RMST: variants seen among roughly 807,000 people sequenced by gnomAD.
The protein encoded by RMST is long intergenic non-protein coding RNA 54.
intron 11 of RMST, among the ~76,000 whole-genome samples, chr12:97,555,562 G>T (rs1311550814): frequency 6.6e-6 from 1 of 152,208 alleles, no homozygotes; most frequent in Non-Finnish European, 1.5e-5. Context: ...AGCCCTCCGT[G>T]AAGTTGGTAT....
intron 9 of RMST, among the ~76,000 whole-genome samples, chr12:97,495,338 C>A (rs57298504): frequency 2.6e-5 from 4 of 151,528 alleles, no homozygotes; most frequent in Non-Finnish European, 5.9e-5. Context: ...AGATAAGTGG[C>A]GATTGTGTCT....
chr12:97,553,932 A>G (rs949702889), intron 11 of RMST, among the ~76,000 whole-genome samples: 3 of 140,268 alleles, frequency 2.1e-5, no homozygotes, highest in Non-Finnish European at 4.7e-5. Context: ...ACTAATGGTG[A>G]TTTTTCTTTT....
chr12:97,504,528 ATAT>A (rs1260053934), intron 10 of RMST, among the ~76,000 whole-genome samples: 1 of 152,088 alleles, frequency 6.6e-6, no homozygotes, highest in South Asian at 2.1e-4. Context: ...TTTCATCATA[ATAT>A]TATAATATTG....
chr12:97,465,914 G>A (rs973135185), intron 5 of RMST, among the ~76,000 whole-genome samples: 6 of 152,100 alleles, frequency 3.9e-5, no homozygotes, highest in Non-Finnish European at 8.8e-5. Context: ...GGCTAGCTTT[G>A]GTGATAAAAT....
At chr12:97,535,958 T>C (rs1476197852) in intron 11 of RMST, among the ~76,000 whole-genome samples, 2 of 151,622 alleles carry the variant, frequency 1.3e-5, no homozygotes, top group African/African-American at 4.8e-5. Context: ...TTAGGCTTTT[T>C]AAAAAATTGT....
At chr12:97,506,456 T>C (rs1165949346) in intron 10 of RMST, among the ~76,000 whole-genome samples, 1 of 152,200 alleles carries the variant, frequency 6.6e-6, no homozygotes, top group Non-Finnish European at 1.5e-5. Context: ...TTCCAGGCAC[T>C]GTGCTAGGCT....
intron 10 of RMST, among the ~76,000 whole-genome samples, chr12:97,503,167 A>G (rs1018583107): frequency 6.6e-6 from 1 of 152,154 alleles, no homozygotes; most frequent in Non-Finnish European, 1.5e-5. Flanking sequence ...GCATCTGTTG[A>G]TTATTTTAAT....
chr12:97,499,217 A>G (rs1449253123), intron 10 of RMST, among the ~76,000 whole-genome samples: 2 of 151,834 alleles, frequency 1.3e-5, no homozygotes, highest in East Asian at 3.9e-4. Flanking sequence ...ATTTTTTCCT[A>G]ATATTCTTTA....
At chr12:97,485,697 A>G (rs12301198) in intron 5 of RMST, among the ~76,000 whole-genome samples, 20,271 of 152,286 alleles carry the variant, frequency 0.13, 1,625 homozygotes, top group Non-Finnish European at 0.2. Flanking sequence ...CAGGAAGCAT[A>G]AACGGTTTGC....
At chr12:97,543,818 T>G (rs1462926609) in intron 11 of RMST, among the ~76,000 whole-genome samples, 1 of 152,030 alleles carries the variant, frequency 6.6e-6, no homozygotes, top group East Asian at 1.9e-4. Flanking sequence ...CTCATGTTGT[T>G]AAAATGTGGC....
At chr12:97,528,841 T>G (rs1259818005) in intron 10 of RMST, among the ~76,000 whole-genome samples, 1 of 152,138 alleles carries the variant, frequency 6.6e-6, no homozygotes, top group Non-Finnish European at 1.5e-5. Flanking sequence ...GTACAGCAGT[T>G]GCCAAGGCTA....
chr12:97,561,990 C>T (rs1259778140), intron 13 of RMST, among the ~76,000 whole-genome samples: 2 of 151,880 alleles, frequency 1.3e-5, no homozygotes, highest in African/African-American at 4.8e-5. Context: ...TTTTGAGTGC[C>T]CTCCGCTTGG....
chr12:97,476,331 A>G (rs1161121675), intron 5 of RMST, among the ~76,000 whole-genome samples: 1 of 152,240 alleles, frequency 6.6e-6, no homozygotes, highest in Non-Finnish European at 1.5e-5. Context: ...CAGGACACTG[A>G]TAACTTCAGC....
intron 10 of RMST, among the ~76,000 whole-genome samples, chr12:97,504,292 T>C (rs1878421854): frequency 6.6e-6 from 1 of 151,192 alleles, no homozygotes; most frequent in Non-Finnish European, 1.5e-5. Context: ...TAGTCGCAGA[T>C]ACTTGGGAGG....
At chr12:97,529,532 T>C (rs1311888812) in intron 10 of RMST, among the ~76,000 whole-genome samples, 1 of 152,134 alleles carries the variant, frequency 6.6e-6, no homozygotes, top group Admixed American at 6.6e-5. Flanking sequence ...ACTAATTTAT[T>C]GATAAATATA....
At chr12:97,466,452 G>A (rs1376278717) in intron 5 of RMST, among the ~76,000 whole-genome samples, 1 of 152,042 alleles carries the variant, frequency 6.6e-6, no homozygotes, top group Non-Finnish European at 1.5e-5. Flanking sequence ...TTGGAGACAA[G>A]TACTCCTCGG....
intron 13 of RMST, chr12:97,563,915 A>G (rs369993377): frequency 9.5e-5 from 48 of 504,406 alleles, no homozygotes; most frequent in Admixed American, 3.4e-4. Context: ...AAAATCATCA[A>G]CTAAGAAGGG....
intron 10 of RMST, among the ~76,000 whole-genome samples, chr12:97,501,963 G>A (rs900449632): frequency 1.4e-4 from 22 of 152,072 alleles, no homozygotes; most frequent in Admixed American, 2.0e-4. Context: ...TTGGAATGCC[G>A]CACTAACTCA....
intron 11 of RMST, chr12:97,533,834 G>A (rs570405767): frequency 6.6e-6 from 1 of 151,828 alleles, no homozygotes; most frequent in African/African-American, 2.4e-5. Context: ...AAAGTCCAAG[G>A]CATTATAGTG....
Sources: gnomAD v4.1 joint callset for allele counts (sites outside exome capture counted in the v4.1 genomes callset) on GRCh38, gnomAD v4.1.1 for gene constraint, MANE v1.5 for transcripts, NCBI Gene and HGNC (gene_info 2026-07-23, HGNC 2026-07-21) for gene names.